KCNN2: variants seen among roughly 807,000 people sequenced by gnomAD.
The protein encoded by KCNN2 is small conductance calcium-activated potassium channel protein 2.
A neutral mutation model predicts 55.5 loss-of-function variants in KCNN2; 24 were observed. The ratio of observed to expected loss-of-function variants is 0.43; its 90% CI spans 0.31 to 0.61. KCNN2 has a LOEUF of 0.61. Among genes scored for constraint, KCNN2 ranks in the 20% least tolerant of loss-of-function variants. The pLI, the probability that KCNN2 is intolerant of heterozygous loss-of-function variation, is 0.08. For missense variants in KCNN2, 754 were observed against 853.6 expected (o/e 0.88, Z 1.45); for synonymous variants, 431 against 336.1 (o/e 1.28, Z -3.09).
intron 2 of KCNN2, among the ~76,000 whole-genome samples, chr5:114,229,352 G>C (rs1293786306): frequency 6.6e-6 from 1 of 150,794 alleles, no homozygotes; most frequent in Non-Finnish European, 1.5e-5. Context: ...TTTTAACTTA[G>C]TATTCAGATA....
intron 1 of KCNN2, among the ~76,000 whole-genome samples, chr5:114,100,198 G>A (rs13190387): frequency 0.19 from 29,353 of 151,820 alleles, 3,043 homozygotes; most frequent in African/African-American, 0.27. Flanking sequence ...ATTTAAAAGG[G>A]TGAAGGAAAA....
intron 2 of KCNN2, among the ~76,000 whole-genome samples, chr5:114,279,003 A>T (rs924590259): frequency 5.0e-5 from 6 of 120,010 alleles, no homozygotes; most frequent in African/African-American, 1.8e-4. Flanking sequence ...CCTTCTTGGA[A>T]GCAACCCCCT....
chr5:114,123,825 C>T (rs890725827), intron 1 of KCNN2, among the ~76,000 whole-genome samples: 1 of 152,136 alleles, frequency 6.6e-6, no homozygotes, highest in Non-Finnish European at 1.5e-5. Flanking sequence ...CAAATACATG[C>T]CTGTGAAACT....
intron 1 of KCNN2, among the ~76,000 whole-genome samples, chr5:114,199,868 A>G (rs1259916250): frequency 6.6e-6 from 1 of 152,112 alleles, no homozygotes; most frequent in African/African-American, 2.4e-5. Context: ...TTCTGCTGAA[A>G]GTTTCCTGTT....
chr5:114,095,849 C>A (rs1443564543), intron 1 of KCNN2, among the ~76,000 whole-genome samples: 1 of 152,008 alleles, frequency 6.6e-6, no homozygotes, highest in African/African-American at 2.4e-5. Flanking sequence ...TATGCACCTG[C>A]TGTATCCTTT....
At chr5:114,143,999 T>C (rs1242810185) in intron 1 of KCNN2, among the ~76,000 whole-genome samples, 1 of 152,188 alleles carries the variant, frequency 6.6e-6, no homozygotes, top group Admixed American at 6.6e-5. Context: ...ATTTTACCCA[T>C]TGAATGGTGT....
At chr5:114,328,934 C>T (rs1756758117) in intron 2 of KCNN2, among the ~76,000 whole-genome samples, 1 of 152,152 alleles carries the variant, frequency 6.6e-6, no homozygotes, top group African/African-American at 2.4e-5. Context: ...TGTATTTCTG[C>T]TTTCTACAAT....
intron 1 of KCNN2, among the ~76,000 whole-genome samples, chr5:114,179,727 T>C (rs186607561): frequency 6.6e-6 from 1 of 152,306 alleles, no homozygotes; most frequent in East Asian, 1.9e-4. Context: ...AGCCACCCAT[T>C]TCCTCACAGT....
chr5:114,115,746 G>A (rs922557836), intron 1 of KCNN2, among the ~76,000 whole-genome samples: 1 of 151,982 alleles, frequency 6.6e-6, no homozygotes, highest in Non-Finnish European at 1.5e-5. Context: ...ATCTTTTAGG[G>A]TATCATCCAG....
At chr5:114,427,603 A>G (rs1200308461) in intron 3 of KCNN2, among the ~76,000 whole-genome samples, 2 of 152,236 alleles carry the variant, frequency 1.3e-5, no homozygotes, top group African/African-American at 2.4e-5. Flanking sequence ...TAAAAGCACT[A>G]TACAAGAATA....
chr5:114,281,425 TTGTTGAAGGCCTTTG>T (rs1397647007), intron 2 of KCNN2, among the ~76,000 whole-genome samples: 1 of 152,178 alleles, frequency 6.6e-6, no homozygotes, highest in Non-Finnish European at 1.5e-5. Flanking sequence ...ATATTAAATT[TTGTTGAAGGCCTTTG>T]TGTTTCACAT....
chr5:114,480,609 A>T (rs986490902), intron 5 of KCNN2, among the ~76,000 whole-genome samples: 1 of 152,186 alleles, frequency 6.6e-6, no homozygotes, highest in African/African-American at 2.4e-5. Context: ...TTGATGAAAA[A>T]ATCCTCAATA....
chr5:114,407,926 G>A (rs960401228), intron 3 of KCNN2, among the ~76,000 whole-genome samples: 8 of 152,192 alleles, frequency 5.3e-5, no homozygotes, highest in Admixed American at 5.2e-4. Context: ...ACTTCTGCCA[G>A]GTTGCGAAAG....
intron 2 of KCNN2, among the ~76,000 whole-genome samples, chr5:114,272,221 CTATG>C (rs967378432): frequency 2.6e-5 from 4 of 151,418 alleles, no homozygotes; most frequent in Non-Finnish European, 5.9e-5. Flanking sequence ...ATACACTTAT[CTATG>C]TGTGTATATA....
chr5:114,400,700 A>T (rs1226551026), intron 2 of KCNN2, among the ~76,000 whole-genome samples: 3 of 152,074 alleles, frequency 2.0e-5, no homozygotes, highest in African/African-American at 7.2e-5. Flanking sequence ...TCATTTCTTT[A>T]TGTATGCTAA....
intron 1 of KCNN2, among the ~76,000 whole-genome samples, chr5:114,125,465 A>G (rs1033334213): frequency 3.3e-5 from 5 of 152,200 alleles, no homozygotes; most frequent in South Asian, 4.1e-4. Context: ...TGTTGCTCCC[A>G]TGTATATTCT....
chr5:114,484,800 T>C (rs1762377067), intron 5 of KCNN2, among the ~76,000 whole-genome samples: 1 of 152,166 alleles, frequency 6.6e-6, no homozygotes, highest in Non-Finnish European at 1.5e-5. Context: ...AGAAAGGGGA[T>C]GGGATGTTTC....
intron 1 of KCNN2, among the ~76,000 whole-genome samples, chr5:114,201,020 G>T (rs1199097977): frequency 6.6e-6 from 1 of 152,044 alleles, no homozygotes; most frequent in Non-Finnish European, 1.5e-5. Context: ...TTAGGAGCTT[G>T]TAGTGGGAGT....
intron 1 of KCNN2, among the ~76,000 whole-genome samples, chr5:114,181,474 T>G (rs998139900): frequency 6.6e-6 from 1 of 152,182 alleles, no homozygotes; most frequent in Non-Finnish European, 1.5e-5. Flanking sequence ...GAATTATGAG[T>G]TCTTTCACAT....
Sources: gnomAD v4.1 joint callset for allele counts (sites outside exome capture counted in the v4.1 genomes callset) on GRCh38, gnomAD v4.1.1 for gene constraint, MANE v1.5 for transcripts, NCBI Gene and HGNC (gene_info 2026-07-23, HGNC 2026-07-21) for gene names.